The following ZYG11A variants were observed in gnomAD, a reference collection of about 807,000 sequenced individuals.
ZYG11A encodes protein zyg-11 homolog A.
A neutral mutation model predicts 77.2 loss-of-function variants in ZYG11A; 62 were observed. The ratio of observed to expected loss-of-function variants is 0.80; its 90% confidence interval spans 0.65 to 0.99. The LOEUF is 0.99. ZYG11A is among the 50% of genes least tolerant of loss of function. ZYG11A has a pLI of 0.00. For missense variants in ZYG11A, 828 were observed against 896.8 expected, an observed-to-expected ratio of 0.92 and a Z score of 0.98; for synonymous variants, 315 against 324.6, an observed-to-expected ratio of 0.97 and a Z score of 0.32.
chr1:52,844,966 C>T (rs1427025017), intron 1 of ZYG11A, among the ~76,000 whole-genome samples: 3 of 151,856 alleles, frequency 2.0e-5, no homozygotes, highest in Non-Finnish European at 4.4e-5. Flanking sequence ...TTAATTAAGA[C>T]GGTGGTTTCC....
intron 3 of ZYG11A, among the ~76,000 whole-genome samples, chr1:52,859,419 T>A (rs1041260450): frequency 2.0e-5 from 3 of 152,038 alleles, no homozygotes; most frequent in Non-Finnish European, 2.9e-5. Flanking sequence ...CACTGCAATC[T>A]CCGCCTCCCG....
chr1:52,853,271 C>T lies in ZYG11A; in HGVS notation c.91-1194C>T, dbSNP rs575517929. On this transcript the variant is annotated intron_variant, in intron 1 of 13. Transcript: ENST00000371528. ...TTTGAAGTATGGTTTCTACTTTATA[C>T]CGTTGTAATTCCAAAAATCATGAGT... Among the ~76,000 whole-genome samples the T allele has an allele frequency of 1.3e-3, 197 of 152,302 alleles. 1 individual carries two copies. The highest frequency in any genetic ancestry group is 4.5e-3 in the African/African-American group (187 of 41,562).
rs1222682445 is a variant in ZYG11A, at chr1:52,847,883, T to TA, written c.90+4910_90+4911insA. On this transcript the variant is annotated intron_variant, in intron 1 of 13. Transcript: ENST00000371528. ...TTATTTATTTATTTATTTATTTATTTTTTTGAGATGGAGTCTCGCTCTGTC... is the reference window on the plus strand; with the variant it reads ...TTATTTATTTATTTATTTATTTATTTATTTTGAGATGGAGTCTCGCTCTGTC... 4.3e-3 allele frequency among the ~76,000 whole-genome samples: 188 copies of TA among 43,516 alleles called. 1 individual carries two copies. Among genetic ancestry groups the TA allele is most frequent in the South Asian group, 0.015 (17 of 1,150 alleles). The allele number at this position is 43,516 out of a possible 152,430, so 28.5% of individuals were successfully genotyped here. A position where few individuals can be genotyped will look rare whatever the true frequency, so the allele number is the denominator to read the frequency against.
intron 8 of ZYG11A, among the ~76,000 whole-genome samples, chr1:52,874,026 T>A (rs2150012109): frequency 6.9e-6 from 1 of 144,220 alleles, no homozygotes; most frequent in South Asian, 2.3e-4. Context: ...AGAACGAAGT[T>A]CTTTCTTGAA....
intron 11 of ZYG11A, among the ~76,000 whole-genome samples, chr1:52,884,348 T>C (rs1199206655): frequency 6.6e-6 from 1 of 151,934 alleles, no homozygotes; most frequent in South Asian, 2.1e-4. Context: ...TACAAAAAAT[T>C]AGCTGGGCGT....
At chr1:52,885,780 T>A in intron 11 of ZYG11A, 53 bp from the exon 12 acceptor site, 1 of 1,343,034 alleles carries the variant, frequency 7.4e-7, no homozygotes, top group Non-Finnish European at 1.0e-6. Context: ...AACATTTTGT[T>A]GTAAATGATG....
chr1:52,854,627 CAAGGTAGTGAT>C lies in ZYG11A; in HGVS notation c.256+2_256+12del. ...GCGATTTCTCAGGGTGATGACTTGG[CAAGGTAGTGAT>C]AAGGCTTCTCTAAAGTCAGCTCTTG... On this transcript the variant is annotated splice_donor_variant and splice_donor_5th_base_variant and coding_sequence_variant and intron_variant, in exon 2 of 14. Coordinates refer to ENST00000371528, the MANE Select transcript of ZYG11A (RefSeq NM_001004339.3). LOFTEE classifies it high-confidence loss of function. 1 of 1,532,544 alleles carries C rather than the reference CAAGGTAGTGAT, an allele frequency of 6.5e-7. No homozygotes were observed. Among genetic ancestry groups the C allele is most frequent in the Non-Finnish European group, 8.8e-7 (1 of 1,133,408 alleles). The allele number at this position is 1,532,544 out of a possible 1,614,324, so 94.9% of individuals were successfully genotyped here.
rs1233151521 is a variant in ZYG11A at position 52,842,942 on chromosome 1, A to T, written c.59A>T (p.Gln20Leu). Residue 20 changes from glutamine to leucine, a missense_variant, in exon 1 of 14, where the codon CAG becomes CTG. Transcript: ENST00000371528. ...CGGAACATCGTCCCTCCTGACGCTC[A>T]GAAGGATGCCCTGGGCTGCTGCGTG... is the stretch of plus-strand genomic sequence containing the variant. ...TPRNIVPPDA[Q>L]KDALGCCVVQ... is the part of the protein sequence containing the mutation. 1 of 1,529,772 alleles carries T rather than the reference A, an allele frequency of 6.5e-7. No individual in the cohort carries two copies. The highest frequency in any genetic ancestry group is 2.6e-5 in the East Asian group (1 of 37,888). The allele number at this position is 1,529,772 out of a possible 1,614,324, so 94.8% of individuals were successfully genotyped here. A position where few individuals can be genotyped will look rare whatever the true frequency, so the allele number is the denominator to read the frequency against.
intron 4 of ZYG11A, among the ~76,000 whole-genome samples, chr1:52,862,499 A>G (rs968124853): frequency 1.3e-5 from 2 of 151,476 alleles, no homozygotes; most frequent in Non-Finnish European, 2.9e-5. Flanking sequence ...TTTTTAGTAG[A>G]GATGGGGTTT....
rs749468729 is a variant in ZYG11A at position 52,881,511 on chromosome 1, T to C, written c.1790T>C (p.Val597Ala). 1 of 1,551,484 alleles carries C rather than the reference T, an allele frequency of 6.4e-7. No individual in the cohort carries two copies. Among genetic ancestry groups the C allele is most frequent in the Non-Finnish European group, 8.7e-7 (1 of 1,146,928 alleles). ...AEVRELSSKL[V>A]TEDVLKHINS... ...GTCAGAGAGCTCTCTTCCAAGCTGGTGACCGAAGATGTGCTGAAGCATATC... is the reference window on the plus strand; with the variant it reads ...GTCAGAGAGCTCTCTTCCAAGCTGGCGACCGAAGATGTGCTGAAGCATATC... Residue 597 changes from valine to alanine, a missense_variant, in exon 11 of 14, where the codon GTG (valine) becomes GCG (alanine). Val to Ala is a moderately conservative substitution (Grantham distance 64). Transcript: ENST00000371528.
At position 52,860,815 on chromosome 1, in the gene ZYG11A, C is replaced by T; in HGVS notation, c.1093C>T (p.His365Tyr). The T allele has an allele frequency of 1.3e-6, 2 of 1,551,618 alleles. No homozygotes were observed. The highest frequency in any genetic ancestry group is 2.7e-5 in the African/African-American group (2 of 73,150). ...ATCATGTTTTGTGAAGGAAGCCCTC[C>T]ACAGGCTGTTCACAGAGACATTTTC... ...NRSCFVKEAL[H>Y]RLFTETFSME... Residue 365 changes from histidine to tyrosine, a missense_variant, in exon 4 of 14, where the codon CAC becomes TAC. Physicochemically the swap from His to Tyr is moderately conservative, Grantham distance 83. Transcript: ENST00000371528.
intron 1 of ZYG11A, among the ~76,000 whole-genome samples, chr1:52,848,384 A>G (rs1317694601): frequency 1.3e-5 from 2 of 151,268 alleles, no homozygotes; most frequent in African/African-American, 2.4e-5. Flanking sequence ...GCTTTTTCTC[A>G]TTGTTGGTTT....
intron 8 of ZYG11A, among the ~76,000 whole-genome samples, chr1:52,877,377 G>C (rs1454505248): frequency 6.6e-6 from 1 of 152,108 alleles, no homozygotes; most frequent in Non-Finnish European, 1.5e-5. Flanking sequence ...ACTTGGCTTA[G>C]AGAAGGTGTT....
chr1:52,891,609 C>T (rs1362285501), intron 13 of ZYG11A, among the ~76,000 whole-genome samples: 2 of 151,858 alleles, frequency 1.3e-5, no homozygotes, highest in Admixed American at 1.3e-4. Context: ...CTCTCCTACT[C>T]CCGTATACCC....
rs1236120190 is a variant in ZYG11A at position 52,893,226 on chromosome 1, A to G, written c.*269A>G. The G allele has an allele frequency of 2.0e-5, 7 of 356,104 alleles. No homozygotes were observed. Among genetic ancestry groups the G allele is most frequent in the Admixed American group, 4.4e-5 (1 of 22,770 alleles). 22.1% of individuals were successfully genotyped at this position (356,104 alleles called of 1,614,324 possible). ...CCTGGGAGCTTGTGTTGGAACAGCT[A>G]TGCAAGTTACTTTTCTCTAGCCTTG... On this transcript the variant is annotated 3_prime_UTR_variant, in exon 14 of 14. Transcript: ENST00000371528.
chr1:52,846,310 T>TATATATATATATATATATATA (rs1645577708), intron 1 of ZYG11A, among the ~76,000 whole-genome samples: 1 of 35,822 alleles, frequency 2.8e-5, no homozygotes, highest in Non-Finnish European at 7.6e-5. Flanking sequence ...TTTTAAATTT[T>TATATATATATATATATATATA]TATATATATA....
chr1:52,857,820 C>A (rs10788945), intron 3 of ZYG11A, 71 bp downstream of exon 3: 1,223,268 of 1,377,628 alleles, frequency 0.89, 543,606 homozygotes, highest in African/African-American at 0.98. Flanking sequence ...ATAGACCAGA[C>A]TTTTTACTAG....
chr1:52,843,688 C>CTT (rs71044427), intron 1 of ZYG11A, among the ~76,000 whole-genome samples: 51,358 of 130,316 alleles, frequency 0.39, 12,480 homozygotes, highest in Non-Finnish European at 0.55. Flanking sequence ...TTCTTTCTTT[C>CTT]TTTTTTTTTT....
chr1:52,868,503 C>T (rs557791779), intron 8 of ZYG11A, among the ~76,000 whole-genome samples: 9 of 152,076 alleles, frequency 5.9e-5, no homozygotes, highest in East Asian at 1.9e-4. Context: ...ATCACTGGGC[C>T]GGGTGCTGTG....
Sources: gnomAD v4.1 joint callset for allele counts (sites outside exome capture counted in the v4.1 genomes callset) on GRCh38, gnomAD v4.1.1 for gene constraint, MANE v1.5 for transcripts, NCBI Gene and HGNC (gene_info 2026-07-23, HGNC 2026-07-21) for gene names.